The following SLC30A5 variants were observed in gnomAD, a reference collection of about 807,000 sequenced individuals.
SLC30A5 encodes solute carrier family 30 member 5.
In SLC30A5, 33 loss-of-function variants were observed where a neutral mutation model predicts 79.6. The observed-to-expected ratio is 0.41, with a 90% confidence interval of 0.31 to 0.55. SLC30A5 has a LOEUF of 0.55. SLC30A5 is among the 20% of genes least tolerant of loss of function. SLC30A5 has a pLI of 0.20. For missense variants in SLC30A5, 788 were observed against 928.1 expected (o/e 0.85, Z 1.96); for synonymous variants, 299 against 319.7 (o/e 0.94, Z 0.69).
chr5:69,104,771 TA>T lies in SLC30A5; in HGVS notation c.359+56del, dbSNP rs1363752288. The T allele has an allele frequency of 4.8e-6, 7 of 1,472,328 alleles. No homozygotes were observed. The East Asian group carries it at 1.4e-4, about 30-fold the overall frequency. The allele number at this position is 1,472,328 out of a possible 1,614,324, so 91.2% of individuals were successfully genotyped here. ...GTTTGTATTTCTTCATTTTGAATATTATTTTTGTTCCACTGTGTTTTACGTC... is the reference window on the plus strand; with the variant it reads ...GTTTGTATTTCTTCATTTTGAATATTTTTTTGTTCCACTGTGTTTTACGTC... On this transcript the variant is annotated intron_variant, in intron 4 of 15. Coordinates refer to ENST00000396591, the MANE Select transcript of SLC30A5 (RefSeq NM_022902.5).
intron 11 of SLC30A5, 65 bp downstream of exon 11, chr5:69,117,461 A>C (rs1441097671): frequency 8.1e-7 from 1 of 1,231,346 alleles, no homozygotes; most frequent in African/African-American, 1.5e-5. Flanking sequence ...GAACAGAATT[A>C]TATTACTTAT....
chr5:69,096,030 C>T (rs1270577684), intron 1 of SLC30A5, among the ~76,000 whole-genome samples: 1 of 152,144 alleles, frequency 6.6e-6, no homozygotes, highest in Non-Finnish European at 1.5e-5. Context: ...GATCGCACCA[C>T]TGCACTCCAG....
At chr5:69,097,168 T>G (rs1184029276) in intron 1 of SLC30A5, among the ~76,000 whole-genome samples, 16 of 133,704 alleles carry the variant, frequency 1.2e-4, no homozygotes, top group Non-Finnish European at 1.5e-5. Context: ...CAGGCTGGAG[T>G]GCAGTGGCGC....
intron 1 of SLC30A5, among the ~76,000 whole-genome samples, chr5:69,097,157 C>T (rs1745766174): frequency 7.1e-6 from 1 of 141,408 alleles, no homozygotes; most frequent in South Asian, 2.2e-4. Flanking sequence ...GCTATGTCGC[C>T]CAGGCTGGAG....
chr5:69,120,933 T>G (rs570251325), intron 12 of SLC30A5, among the ~76,000 whole-genome samples: 144 of 152,300 alleles, frequency 9.5e-4, no homozygotes, highest in African/African-American at 3.3e-3. Flanking sequence ...ATAAGTAACT[T>G]TGTTTATCCT....
chr5:69,106,878 T>A (rs1043481317), intron 4 of SLC30A5, among the ~76,000 whole-genome samples: 7 of 152,264 alleles, frequency 4.6e-5, no homozygotes, highest in African/African-American at 1.7e-4. Flanking sequence ...CAACTTTTTT[T>A]TTTTGGAGAC....
chr5:69,115,135 GAAAAAAAAAAAAAAA>G (rs60614154), intron 7 of SLC30A5, 87 bp from the exon 8 acceptor site: 240,531 of 538,044 alleles, frequency 0.45, 33,054 homozygotes, highest in East Asian at 0.48. Context: ...TGTCTCTGGG[GAAAAAAAAAAAAAAA>G]AAAAAAAAAA....
chr5:69,129,390 C>T (rs1486656284), intron 15 of SLC30A5, 57 bp from the exon 16 acceptor site: 14 of 1,264,864 alleles, frequency 1.1e-5, no homozygotes, highest in East Asian at 7.0e-5. Context: ...CATATTAAGA[C>T]GTGTGTACTA....
chr5:69,107,859 A>T (rs1746123586), intron 4 of SLC30A5, among the ~76,000 whole-genome samples: 1 of 151,634 alleles, frequency 6.6e-6, no homozygotes, highest in South Asian at 2.1e-4. Context: ...CAGCCTCCCG[A>T]GTAGCTGGGA....
intron 14 of SLC30A5, among the ~76,000 whole-genome samples, chr5:69,127,608 C>A (rs1746737658): frequency 6.6e-6 from 1 of 152,088 alleles, no homozygotes; most frequent in African/African-American, 2.4e-5. Flanking sequence ...GGTGCCACTG[C>A]ACTCCAGCCT....
Position 69,104,671 on chromosome 5 carries a change from T to G in SLC30A5, c.314T>G (p.Ile105Ser). ...IFKHAVAGCI[I>S]SLLWFFGLTL... ...AAACATGCAGTTGCTGGGTGTATTA[T>G]TTCACTCTTGTGGTTTTTTGGCCTC... Residue 105 changes from isoleucine to serine, a missense_variant, in exon 4 of 16, where the codon ATT (isoleucine) becomes AGT (serine). Coordinates refer to ENST00000396591, the MANE Select transcript of SLC30A5 (RefSeq NM_022902.5). 6.3e-7 allele frequency: 1 copy of G among 1,581,378 alleles called. No individual in the cohort carries two copies. Among genetic ancestry groups the G allele is most frequent in the Non-Finnish European group, 8.6e-7 (1 of 1,167,862 alleles).
At chr5:69,119,311 C>T (rs930544121) in intron 12 of SLC30A5, among the ~76,000 whole-genome samples, 4 of 152,078 alleles carry the variant, frequency 2.6e-5, no homozygotes, top group Admixed American at 2.6e-4. Context: ...AGGCGCCTGC[C>T]ACCACGCCTG....
intron 11 of SLC30A5, among the ~76,000 whole-genome samples, chr5:69,117,968 G>A (rs1386221602): frequency 6.6e-6 from 1 of 151,288 alleles, no homozygotes; most frequent in Non-Finnish European, 1.5e-5. Context: ...AGGGTCAGGA[G>A]ATCGAGACCA....
At chr5:69,106,938 C>T (rs1746096385) in intron 4 of SLC30A5, among the ~76,000 whole-genome samples, 1 of 151,148 alleles carries the variant, frequency 6.6e-6, no homozygotes, top group Non-Finnish European at 1.5e-5. Context: ...AGTCTTGGCT[C>T]ACTGCAACCT....
intron 5 of SLC30A5, among the ~76,000 whole-genome samples, chr5:69,112,311 A>G (rs1580175549): frequency 6.6e-6 from 1 of 151,964 alleles, no homozygotes; most frequent in Admixed American, 6.6e-5. Context: ...AAAGGAATGT[A>G]TAGTAATGCT....
chr5:69,096,064 G>T (rs540486657), intron 1 of SLC30A5, among the ~76,000 whole-genome samples: 1 of 152,168 alleles, frequency 6.6e-6, no homozygotes, highest in Non-Finnish European at 1.5e-5. Flanking sequence ...GCGAGACTCT[G>T]TCTCAAAAAA....
In SLC30A5 at chr5:69,100,960, T is replaced by A. The variant is rs753275115; in HGVS notation, c.206+31T>A. 7.8e-6 allele frequency: 12 copies of A among 1,534,580 alleles called. No homozygotes were observed. The East Asian group carries it at 2.7e-4, about 35-fold the overall frequency. ...TGTGGGGGGGGGTTTTTTCTTGATA[T>A]TTTTTATTTCTTTGAAAATCCTGTT... is the stretch of plus-strand genomic sequence containing the variant. On this transcript the variant is annotated intron_variant, in intron 2 of 15. Transcript: ENST00000396591.
chr5:69,104,682 T>C lies in SLC30A5; in HGVS notation c.325T>C (p.Trp109Arg). ...TGCTGGGTGTATTATTTCACTCTTG[T>C]GGTTTTTTGGCCTCACTCTTTGTGG... is the stretch of plus-strand genomic sequence containing the variant. Reference protein sequence around the residue: ...AVAGCIISLLWFFGLTLCGPL... With the variant: ...AVAGCIISLLRFFGLTLCGPL... Residue 109 changes from tryptophan (W) to arginine (R), a missense_variant, in exon 4 of 16, where the codon TGG (tryptophan) becomes CGG (arginine). By Grantham distance (101) the Trp-to-Arg change is moderately radical. Coordinates refer to ENST00000396591, the MANE Select transcript of SLC30A5 (RefSeq NM_022902.5). 1 of 1,591,556 alleles carries C rather than the reference T, an allele frequency of 6.3e-7. No homozygotes were observed.
intron 12 of SLC30A5, among the ~76,000 whole-genome samples, chr5:69,120,998 G>GA (rs1746520289): frequency 6.6e-6 from 1 of 151,932 alleles, no homozygotes; most frequent in African/African-American, 2.4e-5. Flanking sequence ...ACTTTGTTAA[G>GA]AAAAAAATGA....
Sources: allele counts gnomAD v4.1 joint callset (sites outside exome capture counted in the v4.1 genomes callset), GRCh38; gene constraint gnomAD v4.1.1; transcripts MANE v1.5; gene names NCBI Gene and HGNC (gene_info 2026-07-23, HGNC 2026-07-21).